The following ZNF765 variants were observed in gnomAD, a reference collection of about 807,000 sequenced individuals.
ZNF765 encodes zinc finger protein 765.
Under a neutral mutation model 44.7 loss-of-function variants are expected in ZNF765, and 37 were observed. The observed-to-expected ratio is 0.83, with a 90% CI of 0.64 to 1.09. The LOEUF (loss-of-function observed/expected upper bound fraction) is 1.09, where lower values mean the gene tolerates loss of function less well. Among genes scored for constraint, ZNF765 ranks in the 50% least tolerant of loss-of-function variants. ZNF765 has a pLI of 0.00. For missense variants in ZNF765, 594 were observed against 626.1 expected (o/e 0.95, Z 0.55); for synonymous variants, 201 against 213.7 (o/e 0.94, Z 0.52).
At chr19:53,419,681 C>T (rs1401165012) in intron 3 of ZNF765, among the ~76,000 whole-genome samples, 1 of 152,156 alleles carries the variant, frequency 6.6e-6, no homozygotes, top group Non-Finnish European at 1.5e-5. Context: ...ATCAAAACAT[C>T]CCATTATATC....
At chr19:53,419,419 A>G (rs932525994) in intron 3 of ZNF765, among the ~76,000 whole-genome samples, 1 of 152,196 alleles carries the variant, frequency 6.6e-6, no homozygotes, top group Non-Finnish European at 1.5e-5. Context: ...TTGTTTCTCT[A>G]TTGAAAACAT....
chr19:53,407,474 G>A (rs777253630), intron 3 of ZNF765, among the ~76,000 whole-genome samples: 17 of 152,190 alleles, frequency 1.1e-4, no homozygotes, highest in Admixed American at 8.5e-4. Context: ...TGCCCTGTCA[G>A]TGTTTTGTCA....
intron 3 of ZNF765, among the ~76,000 whole-genome samples, chr19:53,420,159 C>A (rs1240159041): frequency 6.6e-6 from 1 of 152,018 alleles, no homozygotes; most frequent in Non-Finnish European, 1.5e-5. Context: ...TGGTGAATCC[C>A]CATCTCTACT....
chr19:53,399,424 C>A (rs1173965467), intron 2 of ZNF765, among the ~76,000 whole-genome samples: 1 of 152,020 alleles, frequency 6.6e-6, no homozygotes, highest in African/African-American at 2.4e-5. Flanking sequence ...ACTGTCAGTT[C>A]TGTGCCAGGC....
intron 3 of ZNF765, among the ~76,000 whole-genome samples, chr19:53,420,248 C>CG (rs1236049036): frequency 6.6e-6 from 1 of 151,210 alleles, no homozygotes; most frequent in African/African-American, 2.4e-5. Context: ...AGGAGAAATG[C>CG]TTAAACCAGG....
exon 4 of ZNF765, chr19:53,423,180 G>A: frequency 2.9e-6 from 2 of 699,562 alleles, no homozygotes; most frequent in Non-Finnish European, 5.2e-6. Flanking sequence ...AAGCACGCTG[G>A]CTCCTGTGTG....
intron 1 of ZNF765, among the ~76,000 whole-genome samples, chr19:53,395,617 C>G (rs1344029253): frequency 2.0e-5 from 3 of 152,238 alleles, no homozygotes; most frequent in Non-Finnish European, 2.9e-5. Context: ...TCCTGCAGAC[C>G]CCACCCTTGT....
Position 53,410,628 on chromosome 19 carries a change from A to C in ZNF765, c.*1501A>C. 1 of 481,776 alleles carries C rather than the reference A, an allele frequency of 2.1e-6. No homozygotes were observed. The highest frequency in any genetic ancestry group is 5.6e-5 in the East Asian group (1 of 17,904). 29.8% of individuals were successfully genotyped at this position (481,776 alleles called of 1,614,324 possible). A position where few individuals can be genotyped will look rare whatever the true frequency, so the allele number is the denominator to read the frequency against. ...GTCACAAAGTCTTCAGTTACACTAC[A>C]ACCATTGCGAATCATTGGAGAATCC... On this transcript the variant is annotated 3_prime_UTR_variant, in exon 4 of 4. Transcript: ENST00000396408.
rs145473683 is a variant in ZNF765, at chr19:53,419,344, T to G, written c.143-3718T>G. Among the ~76,000 whole-genome samples the G allele has an allele frequency of 2.5e-3, 382 of 152,282 alleles. 3 individuals carry two copies. The highest frequency in any genetic ancestry group is 8.4e-3 in the African/African-American group (348 of 41,558). ...TCTGTGCAGAATCCACACCCTCAAG[T>G]GGCAGTTCTGGGGCTAGAAATGTTA... On this transcript the variant is annotated intron_variant, in intron 3 of 3. Coordinates refer to the ZNF765 transcript ENST00000594030.
exon 4 of ZNF765, chr19:53,424,790 A>G (rs1230748439): frequency 6.6e-6 from 1 of 151,544 alleles, no homozygotes; most frequent in Non-Finnish European, 1.5e-5. Flanking sequence ...CAGCCTCCCA[A>G]ATAGCTGGGA....
rs2085828732 is a variant in ZNF765 at position 53,411,028 on chromosome 19, A to C, written c.*1901A>C. 3.1e-6 allele frequency: 1 copy of C among 320,668 alleles called. No individual in the cohort carries two copies. Among genetic ancestry groups the C allele is most frequent in the African/African-American group, 2.2e-5 (1 of 45,626 alleles). The allele number at this position is 320,668 out of a possible 1,614,324, so 19.9% of individuals were successfully genotyped here. On this transcript the variant is annotated 3_prime_UTR_variant, in exon 4 of 4. Transcript: ENST00000396408. ...TGTTCCAAATACAATGTGTATAGCA[A>C]ACCATCAAGCATTAATTGACACTAG...
rs368835554 is a variant in ZNF765, at chr19:53,407,815, T to A, written c.260T>A (p.Phe87Tyr). Residue 87 changes from phenylalanine (F) to tyrosine (Y), a missense_variant, in exon 4 of 4, where the codon TTC becomes TAC. Physicochemically the swap from Phe to Tyr is conservative, Grantham distance 22 (BLOSUM62 3). Transcript: ENST00000396408. Reference protein sequence around the residue: ...HESHHNGDFCFQDIDKDIHDI... With the variant: ...HESHHNGDFCYQDIDKDIHDI... ...AGTCATCACAATGGAGATTTTTGTT[T>A]CCAGGATATTGATAAAGATATTCAT... The A allele has an allele frequency of 6.2e-7, 1 of 1,613,390 alleles. No homozygotes were observed. Among genetic ancestry groups the A allele is most frequent in the Non-Finnish European group, 8.5e-7 (1 of 1,179,768 alleles).
At chr19:53,413,709 G>A, downstream of ZNF765, among the ~76,000 whole-genome samples, 1 of 150,436 alleles carries the variant, frequency 6.6e-6, no homozygotes, top group Non-Finnish European at 1.5e-5. Flanking sequence ...AGTCTCCTGG[G>A]AATCTTCTCG....
intron 3 of ZNF765, among the ~76,000 whole-genome samples, chr19:53,418,173 C>T (rs1568787875): frequency 6.6e-6 from 1 of 151,898 alleles, no homozygotes; most frequent in Non-Finnish European, 1.5e-5. Context: ...GAGGCCAAGG[C>T]GGGAGGATCA....
rs772405918 is a variant in ZNF765 at position 53,402,192 on chromosome 19, G to A, written c.142+1G>A. 3 of 1,612,528 alleles carry A rather than the reference G, an allele frequency of 1.9e-6. No homozygotes were observed. The highest frequency in any genetic ancestry group is 1.3e-5 in the African/African-American group (1 of 74,574). On this transcript the variant is annotated splice_donor_variant, in intron 3 of 3. Coordinates refer to ENST00000396408, the MANE Select transcript of ZNF765 (RefSeq NM_001040185.3). LOFTEE classifies it high-confidence loss of function. ...AATTATAGGAACCTGGTCTCCCTGG[G>A]TGAGGATGACTTCCCTCCTGGGGAT...
chr19:53,417,183 A>C lies in ZNF765; in HGVS notation c.143-5879A>C, dbSNP rs112347091. Among the ~76,000 whole-genome samples, 23 of 152,294 alleles carry C rather than the reference A, an allele frequency of 1.5e-4. 3 individuals are homozygous for C. Among genetic ancestry groups the C allele is most frequent in the African/African-American group, 5.3e-4 (22 of 41,548 alleles). On this transcript the variant is annotated intron_variant, in intron 3 of 3. Transcript: ENST00000594030. ...ACATGTGCAGGTCTGTTACATAGGT[A>C]AACGTGTGTCATGGGAGTTTGTTGT...
rs1485926489 is a variant in ZNF765 at position 53,410,578 on chromosome 19, G to T, written c.*1451G>T. 4.5e-6 allele frequency: 2 copies of T among 444,148 alleles called. No homozygotes were observed. Among genetic ancestry groups the T allele is most frequent in the African/African-American group, 2.0e-5 (1 of 49,176 alleles). 27.5% of individuals were successfully genotyped at this position (444,148 alleles called of 1,614,324 possible). A position where few individuals can be genotyped will look rare whatever the true frequency, so the allele number is the denominator to read the frequency against. On this transcript the variant is annotated 3_prime_UTR_variant, in exon 4 of 4. Transcript: ENST00000396408. ...TTACCATCAGGCAATCCATGGTGTA[G>T]GGAAACTTTACTTATGTAATGATTG...
intron 3 of ZNF765, among the ~76,000 whole-genome samples, chr19:53,422,905 G>A (rs2085915565): frequency 6.6e-6 from 1 of 152,048 alleles, no homozygotes; most frequent in Non-Finnish European, 1.5e-5. Context: ...TACATCACTG[G>A]GTGCAGGTTA....
Position 53,410,586 on chromosome 19 carries a change from T to C in ZNF765, c.*1459T>C. ...AGGCAATCCATGGTGTAGGGAAACT[T>C]TACTTATGTAATGATTGTCACAAAG... On this transcript the variant is annotated 3_prime_UTR_variant, in exon 4 of 4. Transcript: ENST00000396408. 2.2e-6 allele frequency: 1 copy of C among 449,616 alleles called. No homozygotes were observed. The highest frequency in any genetic ancestry group is 4.5e-6 in the Non-Finnish European group (1 of 224,568). 27.9% of individuals were successfully genotyped at this position (449,616 alleles called of 1,614,324 possible). A position where few individuals can be genotyped will look rare whatever the true frequency, so the allele number is the denominator to read the frequency against.
Sources: allele counts gnomAD v4.1 joint callset (sites outside exome capture counted in the v4.1 genomes callset), GRCh38; gene constraint gnomAD v4.1.1; transcripts MANE v1.5; gene names NCBI Gene and HGNC (gene_info 2026-07-23, HGNC 2026-07-21).